WWOX: variants seen among roughly 807,000 people sequenced by gnomAD.
WWOX encodes the protein WW domain containing oxidoreductase.
Under a neutral mutation model 46.2 loss-of-function variants are expected in WWOX, and 69 were observed. The ratio of observed to expected loss-of-function variants is 1.49; its 90% confidence interval spans 1.23 to 1.82. WWOX has a LOEUF of 1.82. Among genes scored for constraint, WWOX ranks in the 40% most tolerant of loss-of-function variants. The pLI is 0.00. For synonymous variants in WWOX, 359 were observed against 202.6 expected (o/e 1.77, Z -6.56); for missense variants, 919 against 542.6 (o/e 1.69, Z -6.89).
At chr16:78,435,475 C>T (rs1435299918) in intron 8 of WWOX, among the ~76,000 whole-genome samples, 1 of 152,200 alleles carries the variant, frequency 6.6e-6, no homozygotes, top group Non-Finnish European at 1.5e-5. Context: ...AAAAGATTAA[C>T]TGCGCACTGA....
intron 5 of WWOX, among the ~76,000 whole-genome samples, chr16:78,246,316 A>G (rs962953413): frequency 6.6e-6 from 1 of 152,172 alleles, no homozygotes; most frequent in Non-Finnish European, 1.5e-5. Flanking sequence ...GCCAGGTCCT[A>G]ACTCCCTTCA....
intron 5 of WWOX, among the ~76,000 whole-genome samples, chr16:78,241,543 A>G (rs865928292): frequency 1.3e-5 from 2 of 152,008 alleles, no homozygotes; most frequent in African/African-American, 4.8e-5. Context: ...AGTTCAAGCA[A>G]TTCTCCTGCC....
At chr16:78,914,829 G>C (rs1301360331) in intron 8 of WWOX, among the ~76,000 whole-genome samples, 1 of 145,416 alleles carries the variant, frequency 6.9e-6, no homozygotes, top group African/African-American at 2.6e-5. Flanking sequence ...CAGTGAGCCA[G>C]GATCGCGCCA....
chr16:78,374,270 C>T (rs1324352414), intron 5 of WWOX, among the ~76,000 whole-genome samples: 1 of 151,138 alleles, frequency 6.6e-6, no homozygotes, highest in African/African-American at 2.5e-5. Flanking sequence ...TAAATTTTTT[C>T]TTAGAGTATC....
At chr16:78,212,200 A>T (rs1249764235) in intron 5 of WWOX, among the ~76,000 whole-genome samples, 1 of 152,168 alleles carries the variant, frequency 6.6e-6, no homozygotes, top group Non-Finnish European at 1.5e-5. Context: ...CTTCTTTGGC[A>T]GTCTAGTGCT....
At chr16:78,185,328 C>T (rs1000640133) in intron 5 of WWOX, among the ~76,000 whole-genome samples, 5 of 152,162 alleles carry the variant, frequency 3.3e-5, no homozygotes, top group Admixed American at 2.0e-4. Context: ...GTCAAAGACC[C>T]TCCCGCCTCT....
chr16:78,648,653 G>T (rs531737890), intron 8 of WWOX, among the ~76,000 whole-genome samples: 23 of 152,282 alleles, frequency 1.5e-4, no homozygotes, highest in African/African-American at 5.5e-4. Context: ...CAATCATACA[G>T]GATGTCCTGG....
chr16:78,445,147 C>T (rs936224615), intron 8 of WWOX, among the ~76,000 whole-genome samples: 2 of 152,168 alleles, frequency 1.3e-5, no homozygotes, highest in African/African-American at 2.4e-5. Context: ...TACAGGTGTA[C>T]ATCAGGGTAT....
intron 5 of WWOX, among the ~76,000 whole-genome samples, chr16:78,287,514 A>G (rs2079788910): frequency 6.6e-6 from 1 of 152,196 alleles, no homozygotes; most frequent in East Asian, 1.9e-4. Flanking sequence ...AAGCAAAACA[A>G]CAGTATATGC....
intron 8 of WWOX, among the ~76,000 whole-genome samples, chr16:78,947,741 T>A (rs1194002833): frequency 6.6e-6 from 1 of 152,182 alleles, no homozygotes; most frequent in Non-Finnish European, 1.5e-5. Context: ...GCCACCTAGA[T>A]GCTATTTATA....
chr16:78,741,370 G>A (rs572853564), intron 8 of WWOX, among the ~76,000 whole-genome samples: 2 of 152,128 alleles, frequency 1.3e-5, no homozygotes, highest in African/African-American at 4.8e-5. Flanking sequence ...AGATCAGCCG[G>A]GCCAACCTGG....
intron 3 of WWOX, among the ~76,000 whole-genome samples, chr16:78,110,512 A>G (rs1006629242): frequency 6.6e-6 from 1 of 152,306 alleles, no homozygotes; most frequent in Admixed American, 6.5e-5. Context: ...TAATTTATCA[A>G]ATTGCCTATT....
At chr16:78,735,714 G>C (rs2049075354) in intron 8 of WWOX, among the ~76,000 whole-genome samples, 1 of 152,158 alleles carries the variant, frequency 6.6e-6, no homozygotes, top group Non-Finnish European at 1.5e-5. Flanking sequence ...TCAAGTACTA[G>C]TTCTATGTCA....
At chr16:79,025,522 A>C (rs898802668) in intron 8 of WWOX, among the ~76,000 whole-genome samples, 1 of 151,996 alleles carries the variant, frequency 6.6e-6, no homozygotes, top group Non-Finnish European at 1.5e-5. Context: ...ATTCCCCCAC[A>C]AGCCAGGGAG....
At chr16:78,496,369 A>T (rs1013411852) in intron 8 of WWOX, 1 of 152,260 alleles carries the variant, frequency 6.6e-6, no homozygotes, top group Non-Finnish European at 1.5e-5. Context: ...GAGCATGTAG[A>T]AAGATCACTG....
chr16:78,196,462 C>T (rs2036056194), intron 5 of WWOX, among the ~76,000 whole-genome samples: 1 of 152,138 alleles, frequency 6.6e-6, no homozygotes, highest in Admixed American at 6.5e-5. Flanking sequence ...TAAAGAAGGC[C>T]GTTTTTAAAT....
At chr16:79,028,097 C>T (rs1323237136) in intron 8 of WWOX, among the ~76,000 whole-genome samples, 4 of 151,846 alleles carry the variant, frequency 2.6e-5, no homozygotes, top group Admixed American at 1.3e-4. Flanking sequence ...ACTACAGGCA[C>T]CTGCCACGAC....
At chr16:78,131,715 G>C (rs1410337945) in intron 4 of WWOX, among the ~76,000 whole-genome samples, 1 of 151,836 alleles carries the variant, frequency 6.6e-6, no homozygotes, top group African/African-American at 2.4e-5. Flanking sequence ...CTGAGTAGCT[G>C]GGATTACAGG....
At chr16:78,804,275 C>T (rs946058185) in intron 8 of WWOX, among the ~76,000 whole-genome samples, 5 of 152,114 alleles carry the variant, frequency 3.3e-5, no homozygotes, top group Admixed American at 2.0e-4. Flanking sequence ...CTGCCTGAGC[C>T]GGCTGGTCTT....
Sources: allele counts gnomAD v4.1 joint callset (sites outside exome capture counted in the v4.1 genomes callset), GRCh38; gene constraint gnomAD v4.1.1; transcripts MANE v1.5; gene names NCBI Gene and HGNC (gene_info 2026-07-23, HGNC 2026-07-21).